Variants in TTC3 observed in about 807,000 individuals in gnomAD.
TTC3 encodes tetratricopeptide repeat domain 3.
TTC3 carries 180 observed loss-of-function variants against 249.6 expected under a neutral mutation model. The observed-to-expected ratio is 0.72, with a 90% CI of 0.64 to 0.82. The LOEUF is 0.82. TTC3 is among the 40% of genes least tolerant of loss of function. The pLI is 0.00. For missense variants in TTC3, 2,061 were observed against 2,398.4 expected (o/e 0.86, Z 2.94); for synonymous variants, 717 against 805.0 (o/e 0.89, Z 1.85).
chr21:37,179,330 T>C (rs1454334548), intron 35 of TTC3, among the ~76,000 whole-genome samples: 2 of 152,218 alleles, frequency 1.3e-5, no homozygotes, highest in African/African-American at 4.8e-5. Context: ...TGGATACAAG[T>C]TGCTTATCAA....
At chr21:37,073,798 T>C (rs2070390816) in intron 1 of TTC3, among the ~76,000 whole-genome samples, 1 of 152,182 alleles carries the variant, frequency 6.6e-6, no homozygotes. Flanking sequence ...GTGGGCGCTC[T>C]CGGCCTTGCA....
intron 19 of TTC3, among the ~76,000 whole-genome samples, chr21:37,139,034 CT>C (rs943173468): frequency 1.2e-4 from 19 of 152,074 alleles, no homozygotes; most frequent in Non-Finnish European, 2.8e-4. Context: ...CACTTATATA[CT>C]TTTTGGAAAA....
intron 35 of TTC3, among the ~76,000 whole-genome samples, chr21:37,176,531 C>T (rs1304881054): frequency 6.6e-6 from 1 of 152,170 alleles, no homozygotes; most frequent in Non-Finnish European, 1.5e-5. Context: ...AGAATCTTGG[C>T]CCTGCCTGCC....
At chr21:37,105,703 CA>C (rs2075013045) in intron 10 of TTC3, among the ~76,000 whole-genome samples, 1 of 152,098 alleles carries the variant, frequency 6.6e-6, no homozygotes, top group African/African-American at 2.4e-5. Flanking sequence ...TCCTGGCTTC[CA>C]GTGGTTAATT....
chr21:37,174,736 A>C lies in TTC3; in HGVS notation c.4617+1992A>C, dbSNP rs145465217. Among the ~76,000 whole-genome samples the C allele has an allele frequency of 3.2e-3, 483 of 152,320 alleles. 2 individuals are homozygous for C. The Middle Eastern group carries it at 0.037, about 12-fold the overall frequency. On this transcript the variant is annotated intron_variant, in intron 35 of 45. Coordinates refer to ENST00000355666, the Ensembl canonical transcript of TTC3. The stretch of plus-strand genomic sequence containing the variant: ...CCACACCCTAGCACCTCCATGTAGT[A>C]GCTTTGTGATGTTAGACAATTTCTT...
intron 39 of TTC3, among the ~76,000 whole-genome samples, chr21:37,189,617 G>A (rs113570538): frequency 0.13 from 18,997 of 151,884 alleles, 1,342 homozygotes; most frequent in Admixed American, 0.16. Context: ...GCGTGATCTC[G>A]GCTCACTGCA....
intron 1 of TTC3, among the ~76,000 whole-genome samples, chr21:37,078,383 G>T (rs1601198267): frequency 6.6e-6 from 1 of 152,166 alleles, no homozygotes; most frequent in East Asian, 1.9e-4. Context: ...GAATCAGTTT[G>T]GGGGAGAATC....
chr21:37,086,288 G>A (rs1055180260), intron 1 of TTC3: 3 of 152,146 alleles, frequency 2.0e-5, no homozygotes, highest in Non-Finnish European at 2.9e-5. Context: ...ATAGGTACAA[G>A]TAATAGTGTT....
Position 37,095,484 on chromosome 21 carries a change from C to T in TTC3, c.782+40C>T, listed in dbSNP as rs201626417. 4.4e-5 allele frequency: 58 copies of T among 1,312,632 alleles called. No individual in the cohort carries two copies. In the East Asian group the frequency reaches 1.4e-3, roughly 31 times the overall value. 81.3% of individuals were successfully genotyped at this position (1,312,632 alleles called of 1,614,324 possible). ...AACAAAAGAGATGCTTTTTCTATGGCACATCAAGTTAGAATGGTAGTCAGA... is the reference window on the plus strand; with the variant it reads ...AACAAAAGAGATGCTTTTTCTATGGTACATCAAGTTAGAATGGTAGTCAGA... On this transcript the variant is annotated intron_variant, in intron 9 of 45. Coordinates refer to ENST00000355666, the Ensembl canonical transcript of TTC3.
At chr21:37,115,077 C>G (rs968434189) in intron 11 of TTC3, among the ~76,000 whole-genome samples, 1 of 151,614 alleles carries the variant, frequency 6.6e-6, no homozygotes, top group Non-Finnish European at 1.5e-5. Flanking sequence ...ATACCTAATG[C>G]TAAATGACGA....
At position 37,094,940 on chromosome 21, in the gene TTC3, C is replaced by T. The variant is rs188456758; in HGVS notation, c.688-410C>T. On this transcript the variant is annotated intron_variant, in intron 8 of 45. Coordinates refer to ENST00000355666, the Ensembl canonical transcript of TTC3. Reference sequence around the variant, plus strand: ...CTTGAGGTCAGAAGTTCAAGACCAGCTGGGGTAACATAGCAAGACCTGGTC... The same window carrying T: ...CTTGAGGTCAGAAGTTCAAGACCAGTTGGGGTAACATAGCAAGACCTGGTC... 1.4e-3 allele frequency among the ~76,000 whole-genome samples: 214 copies of T among 152,088 alleles called. 2 individuals are homozygous for T. Among genetic ancestry groups the T allele is most frequent in the Non-Finnish European group, 2.4e-4 (16 of 67,992 alleles).
intron 36 of TTC3, among the ~76,000 whole-genome samples, chr21:37,184,939 A>G (rs1056531924): frequency 1.3e-5 from 2 of 152,200 alleles, no homozygotes; most frequent in Non-Finnish European, 2.9e-5. Flanking sequence ...TCGTTAAGAA[A>G]TGACTAGAAC....
intron 35 of TTC3, among the ~76,000 whole-genome samples, chr21:37,180,010 TG>T (rs1364792902): frequency 3.9e-5 from 6 of 152,338 alleles, no homozygotes; most frequent in Non-Finnish European, 5.9e-5. Flanking sequence ...AGTATGGAGT[TG>T]GGGATATTAT....
At chr21:37,145,202 C>T (rs1458650340) in intron 21 of TTC3, among the ~76,000 whole-genome samples, 2 of 152,190 alleles carry the variant, frequency 1.3e-5, no homozygotes, top group African/African-American at 2.4e-5. Flanking sequence ...CTGAGATAGG[C>T]TTTTACTTGT....
In TTC3 at chr21:37,188,624, A is replaced by G. The variant is rs781183636; in HGVS notation, c.5024+29A>G. Reference sequence around the variant, plus strand: ...TTGCAGTTTCGTGGGTGTTCTCAGCACGTCATTTAGAAGATAAAGCTAGGA... The same window carrying G: ...TTGCAGTTTCGTGGGTGTTCTCAGCGCGTCATTTAGAAGATAAAGCTAGGA... On this transcript the variant is annotated intron_variant, in intron 39 of 45. Coordinates refer to ENST00000355666, the Ensembl canonical transcript of TTC3. 6 of 1,566,324 alleles carry G rather than the reference A, an allele frequency of 3.8e-6. No individual in the cohort carries two copies. The African/African-American group carries it at 8.1e-5, about 21-fold the overall frequency.
chr21:37,103,956 A>G (rs575161953), intron 10 of TTC3, among the ~76,000 whole-genome samples: 174 of 152,218 alleles, frequency 1.1e-3, no homozygotes, highest in Admixed American at 2.2e-3. Flanking sequence ...GCACTTAAAA[A>G]AAAAATTTGA....
chr21:37,088,934 T>A, intron 5 of TTC3, 48 bp downstream of exon 5: 1 of 1,523,622 alleles, frequency 6.6e-7, no homozygotes, highest in Non-Finnish European at 9.0e-7. Context: ...TTAAATAATA[T>A]AAGCATTTAT....
At chr21:37,094,211 G>A in intron 8 of TTC3, 121 bp downstream of exon 8, 3 of 469,730 alleles carry the variant, frequency 6.4e-6, no homozygotes, top group Non-Finnish European at 1.1e-5. Context: ...CATATTTGAG[G>A]GAAAGAACTA....
intron 11 of TTC3, among the ~76,000 whole-genome samples, chr21:37,113,393 TAACA>T (rs761306271): frequency 1.1e-4 from 17 of 151,236 alleles, no homozygotes; most frequent in East Asian, 1.9e-4. Flanking sequence ...TACACACCAA[TAACA>T]AACAGAGAGC....
Sources: allele counts gnomAD v4.1 joint callset (sites outside exome capture counted in the v4.1 genomes callset), GRCh38; gene constraint gnomAD v4.1.1; transcripts MANE v1.5; gene names NCBI Gene and HGNC (gene_info 2026-07-23, HGNC 2026-07-21).